Variants in MED13L observed in about 807,000 individuals in gnomAD.
MED13L encodes mediator complex subunit 13L.
In MED13L, 7 loss-of-function variants were observed where a neutral mutation model predicts 220.9. The observed-to-expected ratio is 0.03, with a 90% CI of 0.02 to 0.06. The LOEUF (loss-of-function observed/expected upper bound fraction) is 0.06. Ranked by LOEUF, MED13L falls within the 10% of genes least tolerant of loss-of-function variation. The probability of loss-of-function intolerance (pLI) is 1.00; values close to 1 mark genes in which losing one functional copy is unlikely to be tolerated. For synonymous variants in MED13L, 1,011 were observed against 1,015.2 expected, an observed-to-expected ratio of 1.00 and a Z score of 0.08; for missense variants, 1,965 against 2,760.5, an observed-to-expected ratio of 0.71 and a Z score of 6.46.
At chr12:116,274,424 C>CA (rs989877048) in intron 1 of MED13L, among the ~76,000 whole-genome samples, 14,447 of 89,552 alleles carry the variant, frequency 0.16, 910 homozygotes, top group South Asian at 0.29. Flanking sequence ...AAAAACAAAA[C>CA]AAAAAAAAAA....
intron 2 of MED13L, among the ~76,000 whole-genome samples, chr12:116,214,228 C>T (rs570262757): frequency 1.3e-5 from 2 of 152,236 alleles, no homozygotes; most frequent in African/African-American, 2.4e-5. Flanking sequence ...ACTTTTTCAT[C>T]GACAACTTGG....
chr12:116,139,970 CAAAAA>C (rs36124478), intron 2 of MED13L, among the ~76,000 whole-genome samples: 6 of 63,902 alleles, frequency 9.4e-5, no homozygotes, highest in African/African-American at 3.2e-4. Context: ...AACTCCATCT[CAAAAA>C]AAAAAAAAAA....
chr12:116,008,339 A>G (rs1042000822), intron 10 of MED13L, 62 bp downstream of exon 10: 9 of 1,533,706 alleles, frequency 5.9e-6, no homozygotes, highest in African/African-American at 1.4e-5. Flanking sequence ...TAGCAGGTAG[A>G]GATGGGGAGG....
intron 16 of MED13L, among the ~76,000 whole-genome samples, chr12:115,993,755 C>A (rs1878223337): frequency 6.6e-6 from 1 of 152,158 alleles, no homozygotes; most frequent in Admixed American, 6.5e-5. Flanking sequence ...AATTAAATTG[C>A]TCCCTGGGTA....
intron 2 of MED13L, among the ~76,000 whole-genome samples, chr12:116,178,991 T>C (rs1035851885): frequency 6.6e-6 from 1 of 152,216 alleles, no homozygotes. Flanking sequence ...CCATTTTGAA[T>C]AGTGTATTCT....
intron 2 of MED13L, among the ~76,000 whole-genome samples, chr12:116,199,010 T>C (rs1881833624): frequency 6.6e-6 from 1 of 152,186 alleles, no homozygotes; most frequent in African/African-American, 2.4e-5. Flanking sequence ...AAAGTTTCTA[T>C]GTCTACAGGT....
intron 4 of MED13L, among the ~76,000 whole-genome samples, chr12:116,037,859 C>T (rs1454769526): frequency 6.6e-6 from 1 of 152,148 alleles, no homozygotes; most frequent in East Asian, 1.9e-4. Flanking sequence ...AGGGGTCCCA[C>T]TCCGGTAGTA....
intron 2 of MED13L, among the ~76,000 whole-genome samples, chr12:116,202,533 A>T (rs951544132): frequency 1.3e-5 from 2 of 152,192 alleles, no homozygotes; most frequent in Non-Finnish European, 2.9e-5. Context: ...GAGGCAAGAG[A>T]GTACAATGGA....
chr12:116,275,732 G>A (rs1489481320), intron 1 of MED13L, among the ~76,000 whole-genome samples: 1 of 152,028 alleles, frequency 6.6e-6, no homozygotes, highest in Admixed American at 6.6e-5. Context: ...CTCCAAAAGG[G>A]ACTCACCTCC....
At chr12:116,174,683 T>C (rs1394559787) in intron 2 of MED13L, 1 of 152,212 alleles carries the variant, frequency 6.6e-6, no homozygotes, top group Non-Finnish European at 1.5e-5. Flanking sequence ...AACACCTATC[T>C]GAACAGATTA....
chr12:116,000,831 C>G (rs1228629790), intron 14 of MED13L, among the ~76,000 whole-genome samples: 1 of 152,126 alleles, frequency 6.6e-6, no homozygotes, highest in Non-Finnish European at 1.5e-5. Flanking sequence ...GGAACCTATG[C>G]TTTCCAACAC....
chr12:116,038,181 T>C (rs1465595131), intron 4 of MED13L, among the ~76,000 whole-genome samples: 1 of 152,124 alleles, frequency 6.6e-6, no homozygotes, highest in Non-Finnish European at 1.5e-5. Context: ...TCTTTTTTTT[T>C]TTTTTAAATA....
At chr12:116,008,168 A>G in intron 10 of MED13L, 2 of 536,294 alleles carry the variant, frequency 3.7e-6, no homozygotes, top group South Asian at 7.4e-5. Context: ...ATATATTTGG[A>G]GTGTACTTAA....
chr12:115,976,783 G>C (rs1876970504), intron 23 of MED13L, among the ~76,000 whole-genome samples: 1 of 152,116 alleles, frequency 6.6e-6, no homozygotes, highest in Non-Finnish European at 1.5e-5. Context: ...AACTACAACA[G>C]GGGTCAGCTA....
intron 13 of MED13L, among the ~76,000 whole-genome samples, chr12:116,005,338 TC>T (rs1878985255): frequency 1.3e-5 from 2 of 152,210 alleles, no homozygotes; most frequent in South Asian, 4.1e-4. Context: ...TAATTATTCT[TC>T]TCTGTCATTT....
chr12:116,023,791 A>G (rs1209581353), intron 4 of MED13L, among the ~76,000 whole-genome samples: 3 of 152,178 alleles, frequency 2.0e-5, no homozygotes, highest in Non-Finnish European at 2.9e-5. Flanking sequence ...ATTTTAAAAG[A>G]ATTTTGAAAA....
chr12:116,173,104 G>GT, intron 2 of MED13L, among the ~76,000 whole-genome samples: 1 of 140,724 alleles, frequency 7.1e-6, no homozygotes, highest in East Asian at 2.0e-4. Context: ...GAACAACTCA[G>GT]GAAAAAAAAA....
At chr12:116,027,402 A>G (rs1357219168) in intron 4 of MED13L, among the ~76,000 whole-genome samples, 2 of 152,314 alleles carry the variant, frequency 1.3e-5, no homozygotes, top group East Asian at 3.9e-4. Flanking sequence ...AGCCGGGGTG[A>G]CAGAGAGACT....
intron 4 of MED13L, among the ~76,000 whole-genome samples, chr12:116,065,240 G>C (rs1869832091): frequency 1.3e-5 from 2 of 152,134 alleles, no homozygotes; most frequent in Admixed American, 1.3e-4. Flanking sequence ...ATAGTAGGCT[G>C]AAGTGTCATT....
Sources: gnomAD v4.1 joint callset for allele counts (sites outside exome capture counted in the v4.1 genomes callset) on GRCh38, gnomAD v4.1.1 for gene constraint, MANE v1.5 for transcripts, NCBI Gene and HGNC (gene_info 2026-07-23, HGNC 2026-07-21) for gene names.